The following KYNU variants were observed in gnomAD, a reference collection of about 807,000 sequenced individuals.
The protein encoded by KYNU is L-kynurenine hydrolase.
A neutral mutation model predicts 59.2 loss-of-function variants in KYNU; 54 were observed. The observed-to-expected ratio is 0.91, with a 90% CI of 0.73 to 1.14. KYNU has a LOEUF of 1.14. Among genes scored for constraint, KYNU ranks in the 50% most tolerant of loss-of-function variants. KYNU has a pLI of 0.00. For synonymous variants in KYNU, 177 were observed against 192.0 expected, an observed-to-expected ratio of 0.92 and a Z score of 0.65; for missense variants, 567 against 554.4, an observed-to-expected ratio of 1.02 and a Z score of -0.23.
At position 142,927,734 on chromosome 2, in the gene KYNU, C is replaced by T; in HGVS notation, c.366C>T (p.Asp122=). ...AGAGTATTGTAGGCCTTATGAAGGA[C>T]ATTGTAGGTAAGTACAAAACACTGA... ...GDESIVGLMK[D]IVGANEKEIA... is the part of the protein sequence containing the mutation. Residue 122 remains aspartate (D), a synonymous_variant, in exon 4 of 14, where the codon GAC becomes GAT. Transcript: ENST00000264170. 1 of 1,607,366 alleles carries T rather than the reference C, an allele frequency of 6.2e-7. No homozygotes were observed. Among genetic ancestry groups the T allele is most frequent in the Admixed American group, 1.7e-5 (1 of 60,018 alleles).
chr2:142,880,322 G>A lies in KYNU; in HGVS notation c.-20+2586G>A, dbSNP rs12987959. Among the ~76,000 whole-genome samples the A allele has an allele frequency of 7.7e-4, 118 of 152,288 alleles. 2 individuals carry two copies. Among genetic ancestry groups the A allele is most frequent in the Admixed American group, 3.0e-3 (46 of 15,300 alleles). ...ATTTTAGGAATAGCCAAGAAGATGG[G>A]TCCCCTGGAGACTTGCACATAGCAT... On this transcript the variant is annotated intron_variant, in intron 1 of 13. Coordinates refer to ENST00000264170, the MANE Select transcript of KYNU (RefSeq NM_003937.3).
chr2:142,879,084 G>A (rs1350392119), intron 1 of KYNU, among the ~76,000 whole-genome samples: 9 of 152,158 alleles, frequency 5.9e-5, no homozygotes, highest in Non-Finnish European at 1.2e-4. Flanking sequence ...TTCAGAATAT[G>A]AGCATGTCAC....
intron 10 of KYNU, among the ~76,000 whole-genome samples, chr2:143,029,298 T>G (rs1251076238): frequency 4.6e-5 from 7 of 152,166 alleles, no homozygotes; most frequent in Non-Finnish European, 1.0e-4. Context: ...TAGATCAAAA[T>G]ATCATGTCCA....
chr2:143,038,976 G>T (rs530810696), intron 12 of KYNU, among the ~76,000 whole-genome samples: 1 of 152,046 alleles, frequency 6.6e-6, no homozygotes, highest in Non-Finnish European at 1.5e-5. Context: ...TTATACATAG[G>T]ATATATTTTT....
chr2:143,054,896 A>G lies in KYNU; in HGVS notation c.*12724A>G, dbSNP rs1687327910. On this transcript the variant is annotated 3_prime_UTR_variant, in exon 14 of 14. Transcript: ENST00000264170. ...GGACTTGGTTGGGATCTTCATTCAA[A>G]GACCAACTATAAAAAGACATTGTTG... The G allele has an allele frequency of 6.6e-6, 1 of 152,238 alleles. No individual in the cohort carries two copies. Among genetic ancestry groups the G allele is most frequent in the African/African-American group, 2.4e-5 (1 of 41,472 alleles). The allele number at this position is 152,238 out of a possible 1,614,324, so 9.4% of individuals were successfully genotyped here.
intron 8 of KYNU, among the ~76,000 whole-genome samples, chr2:142,977,477 C>T (rs1684926949): frequency 6.6e-6 from 1 of 150,868 alleles, no homozygotes; most frequent in South Asian, 2.1e-4. Flanking sequence ...TTTTGTCCTG[C>T]AGAAAACGTA....
chr2:143,034,598 T>C (rs987555862), intron 12 of KYNU, among the ~76,000 whole-genome samples: 23 of 152,212 alleles, frequency 1.5e-4, no homozygotes, highest in African/African-American at 4.8e-4. Context: ...TTTCACTTCA[T>C]GGCAGAATTT....
chr2:142,914,241 A>C lies in KYNU; in HGVS notation c.170-4368A>C, dbSNP rs1210233931. The stretch of plus-strand genomic sequence containing the variant: ...TCACTCATCAACCCTTTCCTGACTT[A>C]GGGAACTTTCCCCAGGTCTGTACTG... On this transcript the variant is annotated intron_variant, in intron 2 of 13. Coordinates refer to ENST00000264170, the MANE Select transcript of KYNU (RefSeq NM_003937.3). Among the ~76,000 whole-genome samples, 4 of 152,196 alleles carry C rather than the reference A, an allele frequency of 2.6e-5. No homozygotes were observed. In the East Asian group the frequency reaches 7.7e-4, roughly 29 times the overall value.
At chr2:142,979,557 G>T (rs1684993524) in intron 8 of KYNU, among the ~76,000 whole-genome samples, 1 of 152,098 alleles carries the variant, frequency 6.6e-6, no homozygotes, top group African/African-American at 2.4e-5. Context: ...AGGAGAGAAA[G>T]CACATCCCCA....
At chr2:143,003,461 T>C (rs761965344) in intron 10 of KYNU, among the ~76,000 whole-genome samples, 1 of 152,124 alleles carries the variant, frequency 6.6e-6, no homozygotes, top group Non-Finnish European at 1.5e-5. Flanking sequence ...CGGGCACCTA[T>C]AATCCCCGCT....
At chr2:142,887,409 A>G (rs929177027) in intron 2 of KYNU, among the ~76,000 whole-genome samples, 1 of 152,132 alleles carries the variant, frequency 6.6e-6, no homozygotes, top group Non-Finnish European at 1.5e-5. Context: ...TCAAAAACCA[A>G]AGAATAGAAT....
rs1684119483 is a variant in KYNU at position 142,955,094 on chromosome 2, T to A, written c.435+223T>A. Among the ~76,000 whole-genome samples the A allele has an allele frequency of 2.0e-5, 3 of 151,970 alleles. No individual in the cohort carries two copies. In the South Asian group the frequency reaches 6.2e-4, roughly 31 times the overall value. Reference sequence around the variant, plus strand: ...GCTTTAGAATAATGAACAGTTCTTGTCTGGGAAAATAAAGAATAAGAGCCA... The same window carrying A: ...GCTTTAGAATAATGAACAGTTCTTGACTGGGAAAATAAAGAATAAGAGCCA... On this transcript the variant is annotated intron_variant, in intron 5 of 13. Transcript: ENST00000264170.
In KYNU at chr2:142,927,736, T is replaced by C. The variant is rs775475961; in HGVS notation, c.368T>C (p.Ile123Thr). Residue 123 changes from isoleucine (I) to threonine (T), a missense_variant, in exon 4 of 14, where the codon ATT becomes ACT. By Grantham distance (89) the Ile-to-Thr change is moderately conservative. Transcript: ENST00000264170. ...AGTATTGTAGGCCTTATGAAGGACA[T>C]TGTAGGTAAGTACAAAACACTGAAG... ...DESIVGLMKDIVGANEKEIAL... is the reference protein window; with the variant it reads ...DESIVGLMKDTVGANEKEIAL... 8 of 1,607,344 alleles carry C rather than the reference T, an allele frequency of 5.0e-6. No homozygotes were observed. The highest frequency in any genetic ancestry group is 2.7e-5 in the African/African-American group (2 of 74,914).
chr2:142,987,862 T>C (rs1282049456), intron 10 of KYNU, among the ~76,000 whole-genome samples: 1 of 151,778 alleles, frequency 6.6e-6, no homozygotes, highest in East Asian at 1.9e-4. Flanking sequence ...CTCATGATGG[T>C]GAGTTCTTAA....
intron 10 of KYNU, among the ~76,000 whole-genome samples, chr2:142,995,485 A>G (rs936271242): frequency 6.6e-6 from 1 of 152,166 alleles, no homozygotes; most frequent in Non-Finnish European, 1.5e-5. Context: ...CTAAAATAGC[A>G]TTAAGTCAGC....
intron 4 of KYNU, among the ~76,000 whole-genome samples, chr2:142,941,836 A>T (rs969475458): frequency 6.6e-6 from 1 of 152,192 alleles, no homozygotes; most frequent in South Asian, 2.1e-4. Flanking sequence ...AATTAAATAC[A>T]TATTAGTCAG....
intron 10 of KYNU, among the ~76,000 whole-genome samples, chr2:143,017,252 T>G (rs1167874746): frequency 6.6e-6 from 1 of 152,140 alleles, no homozygotes; most frequent in African/African-American, 2.4e-5. Context: ...TATTTTATTT[T>G]GGATATGTAC....
intron 2 of KYNU, among the ~76,000 whole-genome samples, chr2:142,910,188 G>C (rs544428977): frequency 7.5e-6 from 1 of 132,836 alleles, no homozygotes; most frequent in East Asian, 2.2e-4. Context: ...CCAGGCTGGA[G>C]TGCAGTGGTG....
intron 4 of KYNU, among the ~76,000 whole-genome samples, chr2:142,952,034 T>C (rs1252362883): frequency 6.6e-6 from 1 of 152,186 alleles, no homozygotes; most frequent in Non-Finnish European, 1.5e-5. Context: ...AAATGAACAC[T>C]GTATTGTTTG....
Sources: gnomAD v4.1 joint callset for allele counts (sites outside exome capture counted in the v4.1 genomes callset) on GRCh38, gnomAD v4.1.1 for gene constraint, MANE v1.5 for transcripts, NCBI Gene and HGNC (gene_info 2026-07-23, HGNC 2026-07-21) for gene names.